The following PALS2 variants were observed in gnomAD, a reference collection of about 807,000 sequenced individuals.
PALS2 encodes protein associated with LIN7 2, MAGUK p55 family member.
Under a neutral mutation model 61.6 loss-of-function variants are expected in PALS2, and 27 were observed. That is an observed-to-expected ratio of 0.44 (90% CI 0.32 to 0.60). The LOEUF (loss-of-function observed/expected upper bound fraction) is 0.60. PALS2 is among the 20% of genes least tolerant of loss of function. PALS2 has a pLI of 0.05. For synonymous variants in PALS2, 236 were observed against 218.6 expected, an observed-to-expected ratio of 1.08 and a Z score of -0.70; for missense variants, 554 against 639.4, an observed-to-expected ratio of 0.87 and a Z score of 1.44.
rs1788527935 is a variant in PALS2, at chr7:24,692,659, C to T, written c.*5045C>T. On this transcript the variant is annotated 3_prime_UTR_variant, in exon 12 of 12. Coordinates refer to ENST00000222644, the MANE Select transcript of PALS2 (RefSeq NM_001303037.2). ...GTCCTAATCAGAAAGTCCCTTTTAT[C>T]TTATAATCCCATACTAAATCCAAAC... is the stretch of plus-strand genomic sequence containing the variant. 1 of 152,124 alleles carries T rather than the reference C, an allele frequency of 6.6e-6. No homozygotes were observed. Among genetic ancestry groups the T allele is most frequent in the Non-Finnish European group, 1.5e-5 (1 of 68,008 alleles). 9.4% of individuals were successfully genotyped at this position (152,124 alleles called of 1,614,324 possible).
intron 9 of PALS2, among the ~76,000 whole-genome samples, chr7:24,675,266 A>G (rs940870878): frequency 2.6e-5 from 4 of 152,218 alleles, no homozygotes; most frequent in African/African-American, 7.2e-5. Flanking sequence ...CTTCACCGAA[A>G]AAACATTAAT....
chr7:24,658,160 T>A (rs1312301160), intron 5 of PALS2, among the ~76,000 whole-genome samples: 3 of 150,702 alleles, frequency 2.0e-5, no homozygotes, highest in Admixed American at 6.6e-5. Flanking sequence ...TATTGTTTTG[T>A]TTTCAAGTTT....
chr7:24,654,094 C>G (rs1436299768), intron 5 of PALS2, among the ~76,000 whole-genome samples: 1 of 151,956 alleles, frequency 6.6e-6, no homozygotes, highest in Non-Finnish European at 1.5e-5. Flanking sequence ...AAATGTAAGT[C>G]TATAAATTCC....
intron 1 of PALS2, among the ~76,000 whole-genome samples, chr7:24,601,743 G>A (rs1363055692): frequency 6.6e-6 from 1 of 152,080 alleles, no homozygotes; most frequent in Non-Finnish European, 1.5e-5. Flanking sequence ...TGATGGTTTG[G>A]CAGGGTAAAG....
intron 1 of PALS2, among the ~76,000 whole-genome samples, chr7:24,583,661 A>AT (rs1381381790): frequency 5.8e-5 from 6 of 103,216 alleles, no homozygotes; most frequent in South Asian, 6.3e-4. Flanking sequence ...ATATTTATTT[A>AT]ATTTTTTTTT....
intron 1 of PALS2, among the ~76,000 whole-genome samples, chr7:24,607,480 C>T (rs569125708): frequency 6.6e-6 from 1 of 150,998 alleles, no homozygotes; most frequent in Non-Finnish European, 1.5e-5. Flanking sequence ...CTCTCTCTCT[C>T]TGAACACACA....
In PALS2 at chr7:24,693,351, C is replaced by T. The variant is rs1242291163; in HGVS notation, c.*5737C>T. 1 of 152,142 alleles carries T rather than the reference C, an allele frequency of 6.6e-6. No homozygotes were observed. Among genetic ancestry groups the T allele is most frequent in the Non-Finnish European group, 1.5e-5 (1 of 68,020 alleles). The allele number at this position is 152,142 out of a possible 1,614,324, so 9.4% of individuals were successfully genotyped here. A position where few individuals can be genotyped will look rare whatever the true frequency, so the allele number is the denominator to read the frequency against. On this transcript the variant is annotated 3_prime_UTR_variant, in exon 12 of 12. Transcript: ENST00000222644. ...GACAGGTCATATATGAAATTTGGCTCTCCTCCTATCAAAGTAGCCTAGGAG... is the reference window on the plus strand; with the variant it reads ...GACAGGTCATATATGAAATTTGGCTTTCCTCCTATCAAAGTAGCCTAGGAG...
intron 2 of PALS2, among the ~76,000 whole-genome samples, chr7:24,638,319 T>G (rs1048533187): frequency 8.3e-5 from 2 of 24,238 alleles, no homozygotes; most frequent in Non-Finnish European, 1.2e-4. Context: ...ATTTCTGTAT[T>G]TTCTTTTTTT....
At chr7:24,651,245 A>G (rs1239397875) in intron 5 of PALS2, among the ~76,000 whole-genome samples, 1 of 152,166 alleles carries the variant, frequency 6.6e-6, no homozygotes, top group South Asian at 2.1e-4. Flanking sequence ...AGTTATAGAG[A>G]TTGTCTAGAC....
intron 9 of PALS2, chr7:24,674,637 C>T (rs1787468789): frequency 6.6e-6 from 1 of 152,158 alleles, no homozygotes; most frequent in Non-Finnish European, 1.5e-5. Flanking sequence ...TATTTTCTTT[C>T]ACTTGTGATT....
At chr7:24,665,137 G>A (rs141136282) in intron 6 of PALS2, among the ~76,000 whole-genome samples, 1,903 of 151,970 alleles carry the variant, frequency 0.013, 56 homozygotes, top group African/African-American at 0.043. Flanking sequence ...CAGACTCCTG[G>A]TGGCATAAAT....
intron 5 of PALS2, among the ~76,000 whole-genome samples, chr7:24,659,275 A>G (rs1399756990): frequency 6.6e-6 from 1 of 152,174 alleles, no homozygotes; most frequent in African/African-American, 2.4e-5. Flanking sequence ...TTGATTTCAT[A>G]TCTTTGCTGT....
chr7:24,627,654 A>G (rs951198815), intron 2 of PALS2, among the ~76,000 whole-genome samples: 3 of 152,224 alleles, frequency 2.0e-5, no homozygotes, highest in Non-Finnish European at 4.4e-5. Context: ...GGAAGAATCA[A>G]ATAGATACAA....
Position 24,680,538 on chromosome 7 carries a change from T to C in PALS2, c.1446+18T>C, listed in dbSNP as rs1265292390. On this transcript the variant is annotated intron_variant, in intron 11 of 11. Transcript: ENST00000222644. ...TTCTGACCGTGAGCTAACCATACGA[T>C]TTTCCTTCTAAAATCTTTCCTTTTC... 1.2e-6 allele frequency: 2 copies of C among 1,600,762 alleles called. No individual in the cohort carries two copies. The highest frequency in any genetic ancestry group is 4.5e-5 in the East Asian group (2 of 44,624).
At chr7:24,625,260 A>G (rs1446163912) in intron 2 of PALS2, among the ~76,000 whole-genome samples, 1 of 151,922 alleles carries the variant, frequency 6.6e-6, no homozygotes, top group African/African-American at 2.4e-5. Flanking sequence ...TTTTCTGTTG[A>G]TTGTCAGTTA....
At chr7:24,593,374 T>A (rs767960565) in intron 1 of PALS2, among the ~76,000 whole-genome samples, 1 of 152,152 alleles carries the variant, frequency 6.6e-6, no homozygotes, top group Non-Finnish European at 1.5e-5. Context: ...TCCAGACTCC[T>A]GTGAATCAAC....
In PALS2 at chr7:24,692,192, T is replaced by G. The variant is rs1172926987; in HGVS notation, c.*4578T>G. ...AATATACTAAACAGTGAAAGAATGATGATATCTCATTTCTAAAGTAAGCAT... is the reference window on the plus strand; with the variant it reads ...AATATACTAAACAGTGAAAGAATGAGGATATCTCATTTCTAAAGTAAGCAT... On this transcript the variant is annotated 3_prime_UTR_variant, in exon 12 of 12. Coordinates refer to ENST00000222644, the MANE Select transcript of PALS2 (RefSeq NM_001303037.2). 6.6e-6 allele frequency: 1 copy of G among 152,190 alleles called. No individual in the cohort carries two copies. The allele number at this position is 152,190 out of a possible 1,614,324, so 9.4% of individuals were successfully genotyped here.
At chr7:24,664,411 A>G (rs1057125188) in intron 6 of PALS2, among the ~76,000 whole-genome samples, 1 of 152,166 alleles carries the variant, frequency 6.6e-6, no homozygotes, top group Non-Finnish European at 1.5e-5. Flanking sequence ...AACAACCACA[A>G]TATTCAGAAC....
intron 1 of PALS2, among the ~76,000 whole-genome samples, chr7:24,601,925 G>A (rs1001179459): frequency 6.6e-6 from 1 of 151,720 alleles, no homozygotes; most frequent in South Asian, 2.1e-4. Flanking sequence ...ATTTTCATCT[G>A]TTTTGCTGGG....
Sources: allele counts gnomAD v4.1 joint callset (sites outside exome capture counted in the v4.1 genomes callset), GRCh38; gene constraint gnomAD v4.1.1; transcripts MANE v1.5; gene names NCBI Gene and HGNC (gene_info 2026-07-23, HGNC 2026-07-21).